WDR20: variants seen among roughly 807,000 people sequenced by gnomAD.
WDR20 encodes WD repeat-containing protein 20.
Under a neutral mutation model 38.7 loss-of-function variants are expected in WDR20, and 3 were observed. The observed-to-expected ratio is 0.08, with a 90% CI of 0.04 to 0.20. The LOEUF is 0.20. Ranked by LOEUF, WDR20 falls within the 10% of genes least tolerant of loss-of-function variation. The pLI is 1.00. For missense variants in WDR20, 559 were observed against 727.7 expected, an observed-to-expected ratio of 0.77 and a Z score of 2.67; for synonymous variants, 298 against 285.6, an observed-to-expected ratio of 1.04 and a Z score of -0.44.
intron 2 of WDR20, among the ~76,000 whole-genome samples, chr14:102,202,582 A>G (rs559605892): frequency 0.12 from 17,597 of 151,400 alleles, 1,743 homozygotes; most frequent in African/African-American, 0.27. Context: ...GGGTTTCACC[A>G]TATTGGCCAG....
intron 1 of WDR20, among the ~76,000 whole-genome samples, chr14:102,176,034 A>G (rs1464725444): frequency 6.6e-6 from 1 of 152,172 alleles, no homozygotes; most frequent in Non-Finnish European, 1.5e-5. Context: ...ACTGATTTGG[A>G]TGCCCTTTAT....
downstream of WDR20, chr14:102,213,773 C>T (rs34907794): frequency 0.063 from 62,419 of 985,348 alleles, 2,023 homozygotes; most frequent in African/African-American, 0.07. Flanking sequence ...CATCACCTCT[C>T]GCCTGGGAGG....
At chr14:102,196,594 C>G (rs1398389616) in intron 2 of WDR20, among the ~76,000 whole-genome samples, 3 of 152,064 alleles carry the variant, frequency 2.0e-5, no homozygotes, top group Non-Finnish European at 4.4e-5. Flanking sequence ...CGGAGGCAGC[C>G]CTGGCCGAGG....
downstream of WDR20, chr14:102,224,777 A>T (rs1181794787): frequency 2.2e-6 from 1 of 456,092 alleles, no homozygotes; most frequent in Admixed American, 2.3e-5. Context: ...CGGGGCCATG[A>T]ACTATGGAGT....
chr14:102,169,382 A>G (rs2060388400), intron 1 of WDR20, among the ~76,000 whole-genome samples: 1 of 152,036 alleles, frequency 6.6e-6, no homozygotes, highest in Non-Finnish European at 1.5e-5. Flanking sequence ...GCTGATGTTC[A>G]TTTTGTTGCC....
downstream of WDR20, among the ~76,000 whole-genome samples, chr14:102,211,068 G>A (rs960492584): frequency 6.6e-6 from 1 of 152,184 alleles, no homozygotes; most frequent in African/African-American, 2.4e-5. This position sits in a 1 kb window ranked among gnomAD's most constrained non-coding sequence, Gnocchi z 4.2. Context: ...TGCTCCCCCG[G>A]AGACCGCAGT....
At chr14:102,210,961 G>T (rs531218792), downstream of WDR20, among the ~76,000 whole-genome samples, 2 of 152,292 alleles carry the variant, frequency 1.3e-5, no homozygotes, top group East Asian at 3.9e-4. Flanking sequence ...TGCTGACGCT[G>T]GCCATGTGCG....
At chr14:102,186,547 C>T (rs796410329) in intron 1 of WDR20, among the ~76,000 whole-genome samples, 10 of 152,170 alleles carry the variant, frequency 6.6e-5, no homozygotes, top group East Asian at 5.8e-4. Context: ...CACAACACCC[C>T]CCTCCGGTTT....
At chr14:102,147,099 G>T in intron 1 of WDR20, among the ~76,000 whole-genome samples, 1 of 152,096 alleles carries the variant, frequency 6.6e-6, no homozygotes, top group African/African-American at 2.4e-5. Flanking sequence ...TGAAGAGGAG[G>T]GTGGTCATGA....
chr14:102,219,660 G>C (rs1468521196), downstream of WDR20, among the ~76,000 whole-genome samples: 1 of 152,242 alleles, frequency 6.6e-6, no homozygotes, highest in Non-Finnish European at 1.5e-5. Flanking sequence ...GGTCCTCTTG[G>C]GTTTTTCACC....
At chr14:102,192,519 C>T (rs2058686343) in intron 1 of WDR20, among the ~76,000 whole-genome samples, 1 of 152,120 alleles carries the variant, frequency 6.6e-6, no homozygotes, top group Non-Finnish European at 1.5e-5. Context: ...AATCTCTTCT[C>T]ATTTAAAATG....
Position 102,208,472 on chromosome 14 carries a change from T to G in WDR20, c.433-131T>G. 7.9e-7 allele frequency: 1 copy of G among 1,273,366 alleles called. No homozygotes were observed. The highest frequency in any genetic ancestry group is 1.1e-6 in the Non-Finnish European group (1 of 950,796). The allele number at this position is 1,273,366 out of a possible 1,614,324, so 78.9% of individuals were successfully genotyped here. ...AACGCTCCTTGCTGGCTTGGCTGACTGCAGGATAAAATGTGGAGGGCCTGG... is the reference window on the plus strand; with the variant it reads ...AACGCTCCTTGCTGGCTTGGCTGACGGCAGGATAAAATGTGGAGGGCCTGG... On this transcript the variant is annotated intron_variant, in intron 2 of 2. Coordinates refer to ENST00000342702, the MANE Select transcript of WDR20 (RefSeq NM_144574.4). This position sits in a 1 kb window ranked among gnomAD's most constrained non-coding sequence, Gnocchi z 5.6.
intron 2 of WDR20, among the ~76,000 whole-genome samples, chr14:102,202,971 C>A (rs1259469915): frequency 6.6e-6 from 1 of 152,176 alleles, no homozygotes; most frequent in Non-Finnish European, 1.5e-5. Flanking sequence ...TTACACACCC[C>A]CGCTTTCCAT....
intron 2 of WDR20, among the ~76,000 whole-genome samples, chr14:102,201,610 A>T (rs564562228): frequency 6.6e-6 from 1 of 151,124 alleles, no homozygotes; most frequent in Non-Finnish European, 1.5e-5. Context: ...AGCTGGAACT[A>T]TGGGGAGGGC....
exon 4 of WDR20, chr14:102,223,026 C>G (rs2064096648): frequency 1.0e-6 from 1 of 958,504 alleles, no homozygotes; most frequent in Non-Finnish European, 1.6e-6. Context: ...CGGTGACCGG[C>G]TCACTCTGCG....
At position 102,222,767 on chromosome 14, in the gene WDR20, G is replaced by T. The variant is rs187506374; in HGVS notation, c.1693-63G>T. 6.5e-5 allele frequency: 103 copies of T among 1,586,194 alleles called. No individual in the cohort carries two copies. In the African/African-American group the frequency reaches 1.3e-3, roughly 20 times the overall value. ...CCACGTGGAGCTGCTGGCGGAGGGC[G>T]CGCATGGTGGCTGTTGCCCGTCCGG... On this transcript the variant is annotated intron_variant, in intron 3 of 3. Coordinates refer to the WDR20 transcript ENST00000335263. The surrounding 1 kb of genome is among the most constrained non-coding windows in gnomAD (Gnocchi z 4.4).
intron 1 of WDR20, among the ~76,000 whole-genome samples, chr14:102,143,126 G>A (rs1391090446): frequency 6.6e-6 from 1 of 152,042 alleles, no homozygotes; most frequent in Non-Finnish European, 1.5e-5. Flanking sequence ...GCCAGAGAGG[G>A]GATGCAAACC....
downstream of WDR20, chr14:102,213,224 C>G: frequency 1.0e-6 from 1 of 985,452 alleles, no homozygotes; most frequent in Non-Finnish European, 1.2e-6. Context: ...AGGCTTTTTT[C>G]TTATTCAGAA....
rs1357149786 is a variant in WDR20 at position 102,222,726 on chromosome 14, A to G, written c.1693-104A>G. On this transcript the variant is annotated intron_variant, in intron 3 of 3. Transcript: ENST00000335263. The surrounding 1 kb of genome is among the most constrained non-coding windows in gnomAD (Gnocchi z 4.4). ...TGCTCCCACACTGGCTTCCACATCA[A>G]CAGCACCAGTTTTGACCACGTGGAG... 5.7e-6 allele frequency: 7 copies of G among 1,237,874 alleles called. No homozygotes were observed. Among genetic ancestry groups the G allele is most frequent in the African/African-American group, 1.5e-5 (1 of 67,688 alleles). 76.7% of individuals were successfully genotyped at this position (1,237,874 alleles called of 1,614,324 possible).
Sources: gnomAD v4.1 joint callset for allele counts (sites outside exome capture counted in the v4.1 genomes callset) on GRCh38, gnomAD v4.1.1 for gene constraint, Gnocchi (gnomAD v3.1) non-coding constraint, MANE v1.5 for transcripts, NCBI Gene and HGNC (gene_info 2026-07-23, HGNC 2026-07-21) for gene names.